MIGA1: variants seen among roughly 807,000 people sequenced by gnomAD.
MIGA1 encodes family with sequence similarity 73, member A.
In MIGA1, 58 loss-of-function variants were observed where a neutral mutation model predicts 82.0. The ratio of observed to expected loss-of-function variants is 0.71; its 90% CI spans 0.57 to 0.88. The LOEUF is 0.88. Among genes scored for constraint, MIGA1 ranks in the 40% least tolerant of loss-of-function variants. The pLI is 0.00. For synonymous variants in MIGA1, 249 were observed against 253.6 expected (o/e 0.98, Z 0.17); for missense variants, 751 against 749.1 (o/e 1.00, Z -0.03).
chr1:77,799,621 C>A (rs969918417), intron 2 of MIGA1, among the ~76,000 whole-genome samples: 5 of 151,934 alleles, frequency 3.3e-5, no homozygotes, highest in African/African-American at 1.2e-4. Flanking sequence ...TTTTTAACTA[C>A]CTATTCAATT....
intron 4 of MIGA1, among the ~76,000 whole-genome samples, chr1:77,804,166 T>C (rs1179984877): frequency 6.6e-6 from 1 of 152,200 alleles, no homozygotes; most frequent in Non-Finnish European, 1.5e-5. Flanking sequence ...CAGTAATCAC[T>C]TGATGAGCCT....
chr1:77,872,997 C>G lies in MIGA1; in HGVS notation c.1564-7C>G. The stretch of plus-strand genomic sequence containing the variant: ...AAGTAACTTGATTCTCCTTTACTTC[C>G]CAGCAGATCCCAGATGGATTTTTTG... On this transcript the variant is annotated splice_polypyrimidine_tract_variant and splice_region_variant and intron_variant, in intron 14 of 15. Transcript: ENST00000370791. 1 of 1,613,796 alleles carries G rather than the reference C, an allele frequency of 6.2e-7. No individual in the cohort carries two copies. The highest frequency in any genetic ancestry group is 8.5e-7 in the Non-Finnish European group (1 of 1,180,012).
chr1:77,863,245 G>C (rs1205457217), intron 12 of MIGA1, among the ~76,000 whole-genome samples: 1 of 152,070 alleles, frequency 6.6e-6, no homozygotes, highest in Admixed American at 6.6e-5. Flanking sequence ...TGGCCTAAGT[G>C]CCTGTTGTCT....
chr1:77,872,857 T>G, intron 14 of MIGA1, 147 bp from the exon 15 acceptor site: 12 of 896,578 alleles, frequency 1.3e-5, no homozygotes, highest in Non-Finnish European at 2.0e-5. Flanking sequence ...GCCAGGAGTT[T>G]GAGGTGTTGC....
chr1:77,811,551 TA>T, intron 5 of MIGA1: 1 of 1,609,110 alleles, frequency 6.2e-7, no homozygotes, highest in Admixed American at 1.7e-5. Flanking sequence ...GTGTGGACTG[TA>T]AAGCTGCACT....
At chr1:77,800,425 T>A (rs1165908515) in intron 2 of MIGA1, among the ~76,000 whole-genome samples, 1 of 152,228 alleles carries the variant, frequency 6.6e-6, no homozygotes, top group East Asian at 1.9e-4. Flanking sequence ...AGGGGGCAAT[T>A]GGTTGCCCTC....
intron 7 of MIGA1, among the ~76,000 whole-genome samples, chr1:77,824,407 T>A (rs539119585): frequency 6.6e-6 from 1 of 152,006 alleles, no homozygotes; most frequent in Admixed American, 6.6e-5. Context: ...TATAAAAAAA[T>A]TTAAGCCAGG....
Position 77,878,902 on chromosome 1 carries a change from T to A in MIGA1, c.*3838T>A, listed in dbSNP as rs1646915216. On this transcript the variant is annotated 3_prime_UTR_variant, in exon 16 of 16. Transcript: ENST00000370791. ...TTTGCATCCATTTACTATGATTCCGTTAATTTGTTGAATTAAATGCCTTTA... is the reference window on the plus strand; with the variant it reads ...TTTGCATCCATTTACTATGATTCCGATAATTTGTTGAATTAAATGCCTTTA... 1 of 345,898 alleles carries A rather than the reference T, an allele frequency of 2.9e-6. No homozygotes were observed. The highest frequency in any genetic ancestry group is 5.2e-6 in the Non-Finnish European group (1 of 191,282). 21.4% of individuals were successfully genotyped at this position (345,898 alleles called of 1,614,324 possible). A position where few individuals can be genotyped will look rare whatever the true frequency, so the allele number is the denominator to read the frequency against.
chr1:77,872,938 T>C, intron 14 of MIGA1, 66 bp from the exon 15 acceptor site: 1 of 1,593,672 alleles, frequency 6.3e-7, no homozygotes, highest in Non-Finnish European at 8.5e-7. Context: ...AACTTCAGTT[T>C]CTGTACTAGA....
Position 77,815,248 on chromosome 1 carries a change from A to G in MIGA1, c.895+17A>G. On this transcript the variant is annotated intron_variant, in intron 7 of 15. Coordinates refer to ENST00000370791, the MANE Select transcript of MIGA1 (RefSeq NM_198549.4). ...ATGATATTGGTAAGATGGATATTTCATATGGCTTTTATGAAATGTTTACTT... is the reference window on the plus strand; with the variant it reads ...ATGATATTGGTAAGATGGATATTTCGTATGGCTTTTATGAAATGTTTACTT... 5 of 1,562,536 alleles carry G rather than the reference A, an allele frequency of 3.2e-6. No homozygotes were observed. The highest frequency in any genetic ancestry group is 4.3e-6 in the Non-Finnish European group (5 of 1,150,818).
At position 77,783,819 on chromosome 1, in the gene MIGA1, A is replaced by G. The variant is rs552636187; in HGVS notation, c.195+468A>G. On this transcript the variant is annotated intron_variant, in intron 2 of 15. Coordinates refer to ENST00000370791, the MANE Select transcript of MIGA1 (RefSeq NM_198549.4). ...ACTCAAACTCTACAACTGTTTATCA[A>G]CATCTTACTGTACCTCCTTCCCGTC... 6.2e-4 allele frequency among the ~76,000 whole-genome samples: 94 copies of G among 152,344 alleles called. No homozygotes were observed. In the South Asian group the frequency reaches 7.9e-3, roughly 13 times the overall value.
chr1:77,820,265 C>G (rs896344895), intron 7 of MIGA1, among the ~76,000 whole-genome samples: 4 of 151,986 alleles, frequency 2.6e-5, no homozygotes, highest in African/African-American at 9.7e-5. Context: ...AAGAGGCAAG[C>G]TATGTGAGAC....
chr1:77,809,720 G>A (rs2101783639), intron 5 of MIGA1, among the ~76,000 whole-genome samples: 1 of 151,444 alleles, frequency 6.6e-6, no homozygotes, highest in South Asian at 2.1e-4. Flanking sequence ...AAGGAGAATA[G>A]ATAGTGATAT....
intron 4 of MIGA1, among the ~76,000 whole-genome samples, chr1:77,805,770 G>A (rs1238611320): frequency 2.6e-5 from 4 of 151,694 alleles, no homozygotes; most frequent in Admixed American, 1.3e-4. Flanking sequence ...TGATCTGCCC[G>A]TTTTGGCCTC....
chr1:77,796,504 C>T (rs1015777983), intron 2 of MIGA1, among the ~76,000 whole-genome samples: 1 of 151,668 alleles, frequency 6.6e-6, no homozygotes, highest in Non-Finnish European at 1.5e-5. Flanking sequence ...CTCACTGCAA[C>T]CTCGAACCCC....
chr1:77,830,638 T>G (rs1340541158), intron 7 of MIGA1, among the ~76,000 whole-genome samples: 1 of 152,170 alleles, frequency 6.6e-6, no homozygotes, highest in Non-Finnish European at 1.5e-5. Context: ...TGTTATAATC[T>G]TTTTATGTCT....
intron 7 of MIGA1, among the ~76,000 whole-genome samples, chr1:77,816,597 A>AT (rs1683581487): frequency 6.6e-6 from 1 of 152,194 alleles, no homozygotes; most frequent in Admixed American, 6.5e-5. Context: ...TCGTACTATT[A>AT]TTGTCACCAA....
rs764008799 is a variant in MIGA1 at position 77,876,380 on chromosome 1, T to C, written c.*1316T>C. The C allele has an allele frequency of 6.6e-6, 1 of 152,250 alleles. No homozygotes were observed. Among genetic ancestry groups the C allele is most frequent in the East Asian group, 1.9e-4 (1 of 5,200 alleles). The allele number at this position is 152,250 out of a possible 1,614,324, so 9.4% of individuals were successfully genotyped here. ...GAGAAATTTACAATTTACAAATTTA[T>C]ATTAACTGTAGTTTCCAAAATATGT... On this transcript the variant is annotated 3_prime_UTR_variant, in exon 16 of 16. Transcript: ENST00000370791.
chr1:77,843,275 A>G (rs2101889931), intron 7 of MIGA1, 32 bp from the exon 8 acceptor site: 1 of 1,451,944 alleles, frequency 6.9e-7, no homozygotes, highest in Non-Finnish European at 9.7e-7. Context: ...GTGGAATATC[A>G]CTTTCTGAAC....
Sources: allele counts gnomAD v4.1 joint callset (sites outside exome capture counted in the v4.1 genomes callset), GRCh38; gene constraint gnomAD v4.1.1; transcripts MANE v1.5; gene names NCBI Gene and HGNC (gene_info 2026-07-23, HGNC 2026-07-21).